Variants in REEP2 observed in about 807,000 individuals in gnomAD.
REEP2 encodes receptor expression-enhancing protein 2.
A neutral mutation model predicts 32.1 loss-of-function variants in REEP2; 9 were observed. That is an observed-to-expected ratio of 0.28 (90% CI 0.17 to 0.49). REEP2 has a LOEUF of 0.49. Among genes scored for constraint, REEP2 ranks in the 20% least tolerant of loss-of-function variants. The pLI, the probability that REEP2 is intolerant of heterozygous loss-of-function variation, is 0.99. For missense variants in REEP2, 236 were observed against 338.0 expected, an observed-to-expected ratio of 0.70 and a Z score of 2.37; for synonymous variants, 128 against 139.1, an observed-to-expected ratio of 0.92 and a Z score of 0.56.
At position 138,441,588 on chromosome 5, in the gene REEP2, C is replaced by A; in HGVS notation, c.182+127C>A. On this transcript the variant is annotated intron_variant, in intron 3 of 7. Transcript: ENST00000378339. The surrounding 1 kb of genome is among the most constrained non-coding windows in gnomAD (Gnocchi z 4.4). ...CCATTCCTGACAATTTCATGGGGTCCTTGATATCTCCCCTCTCATGCCTAA... is the reference window on the plus strand; with the variant it reads ...CCATTCCTGACAATTTCATGGGGTCATTGATATCTCCCCTCTCATGCCTAA... The A allele has an allele frequency of 1.3e-6, 1 of 753,624 alleles. No homozygotes were observed. The allele number at this position is 753,624 out of a possible 1,614,324, so 46.7% of individuals were successfully genotyped here.
rs1238555474 is a variant in REEP2 at position 138,445,532 on chromosome 5, T to C, written c.630T>C (p.Ser210=). Residue 210 remains serine (S), a synonymous_variant, in exon 7 of 8, where the codon TCT becomes TCC. Coordinates refer to ENST00000378339, the MANE Select transcript of REEP2 (RefSeq NM_001271803.2). The stretch of plus-strand genomic sequence containing the variant: ...CGGCAGATTCCCGGACAGAGGCTTC[T>C]GAGGATGACATGGGAGACAAAGCTC... ...TNPADSRTEA[S]EDDMGDKAPK... 2 of 1,614,166 alleles carry C rather than the reference T, an allele frequency of 1.2e-6. No homozygotes were observed. The highest frequency in any genetic ancestry group is 1.7e-5 in the Admixed American group (1 of 60,018).
At chr5:138,444,724 C>A in intron 4 of REEP2, 30 bp from the exon 5 acceptor site, 1 of 1,603,106 alleles carries the variant, frequency 6.2e-7, no homozygotes, top group South Asian at 1.1e-5. Flanking sequence ...CAGGACCTCT[C>A]CTCTTCTCCC....
Position 138,441,719 on chromosome 5 carries a change from G to C in REEP2, c.182+258G>C, listed in dbSNP as rs1222401004. ...GTGGGTGGATCATTTGAGGTCAGGA[G>C]TTTGAGACCAGCCTGGCCAACATGG... On this transcript the variant is annotated intron_variant, in intron 3 of 7. Transcript: ENST00000378339. This position sits in a 1 kb window ranked among gnomAD's most constrained non-coding sequence, Gnocchi z 4.4. Among the ~76,000 whole-genome samples the C allele has an allele frequency of 6.6e-6, 1 of 152,012 alleles. No individual in the cohort carries two copies. The highest frequency in any genetic ancestry group is 2.4e-5 in the African/African-American group (1 of 41,376).
At chr5:138,444,302 A>G (rs1390022208) in intron 3 of REEP2, 113 bp from the exon 4 acceptor site, 1 of 1,296,632 alleles carries the variant, frequency 7.7e-7, no homozygotes, top group Non-Finnish European at 1.1e-6. Context: ...TGGGGACCCC[A>G]GTGCACTAAG....
At chr5:138,445,204 C>A (rs1312481116) in intron 5 of REEP2, 24 bp from the exon 6 acceptor site, 2 of 1,564,564 alleles carry the variant, frequency 1.3e-6, no homozygotes, top group Non-Finnish European at 1.7e-6. Context: ...CCCCGGCTCT[C>A]CCGGTGCGTG....
intron 4 of REEP2, 46 bp downstream of exon 4, chr5:138,444,581 G>C: frequency 6.2e-7 from 1 of 1,608,920 alleles, no homozygotes; most frequent in Non-Finnish European, 8.5e-7. Flanking sequence ...CCCCAGCCAA[G>C]GCAGTCCAGA....
In REEP2 at chr5:138,445,495, C is replaced by A. The variant is rs761590077; in HGVS notation, c.593C>A (p.Ser198Tyr). The change falls in exon 7 of 8, where the codon TCC (serine) becomes TAC (tyrosine). Residue 198 changes from serine (S) to tyrosine (Y), a missense_variant. Coordinates refer to ENST00000378339, the MANE Select transcript of REEP2 (RefSeq NM_001271803.2). The stretch of plus-strand genomic sequence containing the variant: ...GATGACCCTGCCCTGAGTCTAAGGT[C>A]CAGCACAAACCCGGCAGATTCCCGG... ...LGDDPALSLR[S>Y]STNPADSRTE... The A allele has an allele frequency of 1.2e-6, 2 of 1,614,196 alleles. No homozygotes were observed. The highest frequency in any genetic ancestry group is 1.7e-6 in the Non-Finnish European group (2 of 1,180,032).
At position 138,441,487 on chromosome 5, in the gene REEP2, T is replaced by C; in HGVS notation, c.182+26T>C. ...GTGAGGTCCAGCGTCCCCTCCTGTA[T>C]CTCAGGGCCCAGGGCCTCTGCCTTT... On this transcript the variant is annotated intron_variant, in intron 3 of 7. Transcript: ENST00000378339. The surrounding 1 kb of genome is among the most constrained non-coding windows in gnomAD (Gnocchi z 4.4). The C allele has an allele frequency of 1.2e-6, 2 of 1,601,222 alleles. No individual in the cohort carries two copies. Among genetic ancestry groups the C allele is most frequent in the East Asian group, 2.2e-5 (1 of 44,802 alleles).
chr5:138,443,156 C>T (rs1191741217), intron 3 of REEP2, among the ~76,000 whole-genome samples: 2 of 151,786 alleles, frequency 1.3e-5, no homozygotes, highest in African/African-American at 4.8e-5. Flanking sequence ...CATAGCAAGA[C>T]CTGCCTATTA....
chr5:138,443,024 C>CAA (rs966249146), intron 3 of REEP2, among the ~76,000 whole-genome samples: 1 of 128,284 alleles, frequency 7.8e-6, no homozygotes. Context: ...GACTCAGTCT[C>CAA]AAAAAAAAAA....
In REEP2 at chr5:138,445,707, A is replaced by G; in HGVS notation, c.721A>G (p.Thr241Ala). ...GCCACTGGCTTCCAAGACACTGAAG[A>G]CCCGGCCCAAGAAGAAGACCTCTGG... Reference protein sequence around the residue: ...AEPLASKTLKTRPKKKTSGGG... With the variant: ...AEPLASKTLKARPKKKTSGGG... Residue 241 changes from threonine to alanine, a missense_variant, in exon 8 of 8, where the codon ACC (threonine) becomes GCC (alanine). By Grantham distance (58) the Thr-to-Ala change is moderately conservative (BLOSUM62 0). Transcript: ENST00000378339. The G allele has an allele frequency of 6.2e-7, 1 of 1,613,912 alleles. No individual in the cohort carries two copies. The highest frequency in any genetic ancestry group is 1.1e-5 in the South Asian group (1 of 91,066).
Position 138,446,006 on chromosome 5 carries a change from C to T in REEP2, c.*255C>T. ...ACTGAGCCACCCAAGGAGGTGGGGA[C>T]TGCTCGGCCTCCACCGCTGTTCCGC... is the stretch of plus-strand genomic sequence containing the variant. On this transcript the variant is annotated 3_prime_UTR_variant, in exon 8 of 8. Coordinates refer to ENST00000378339, the MANE Select transcript of REEP2 (RefSeq NM_001271803.2). 5.8e-6 allele frequency: 3 copies of T among 520,392 alleles called. No homozygotes were observed. The highest frequency in any genetic ancestry group is 1.0e-5 in the Non-Finnish European group (3 of 293,704). 32.2% of individuals were successfully genotyped at this position (520,392 alleles called of 1,614,324 possible).
In REEP2 at chr5:138,441,442, A is replaced by T. The variant is rs1561805776; in HGVS notation, c.163A>T (p.Thr55Ser). ...CTTCTTCACCACGGCCGAGACGCTCACGGATATAGTGCTCTCCTGGTGAGG... is the reference window on the plus strand; with the variant it reads ...CTTCTTCACCACGGCCGAGACGCTCTCGGATATAGTGCTCTCCTGGTGAGG... ...FAFFTTAETLTDIVLSWFPFY... is the reference protein window; with the variant it reads ...FAFFTTAETLSDIVLSWFPFY... The change falls in exon 3 of 8, where the codon ACG (threonine) becomes TCG (serine). Residue 55 changes from threonine (T) to serine (S), a missense_variant. Transcript: ENST00000378339. The surrounding 1 kb of genome is among the most constrained non-coding windows in gnomAD (Gnocchi z 4.4). 1 of 1,614,124 alleles carries T rather than the reference A, an allele frequency of 6.2e-7. No homozygotes were observed. Among genetic ancestry groups the T allele is most frequent in the Non-Finnish European group, 8.5e-7 (1 of 1,180,000 alleles).
intron 5 of REEP2, 75 bp from the exon 6 acceptor site, chr5:138,445,153 G>T: frequency 6.7e-7 from 1 of 1,481,548 alleles, no homozygotes. Flanking sequence ...TGGGGCTGCT[G>T]CCAGCACCAT....
Position 138,445,278 on chromosome 5 carries a change from G to A in REEP2, c.468G>A (p.Leu156=), listed in dbSNP as rs1259038322. ...TCCGCAGCTTCAGCATGCAGGACCT[G>A]ACCCTGATCCGGGACGAGGACGCAC... ...EKLRSFSMQD[L]TLIRDEDALP... Residue 156 remains leucine (L), a synonymous_variant, in exon 6 of 8, where the codon CTG becomes CTA. Coordinates refer to ENST00000378339, the MANE Select transcript of REEP2 (RefSeq NM_001271803.2). The A allele has an allele frequency of 6.2e-7, 1 of 1,613,382 alleles. No individual in the cohort carries two copies. The highest frequency in any genetic ancestry group is 8.5e-7 in the Non-Finnish European group (1 of 1,179,936).
chr5:138,442,337 G>A (rs1369078938), intron 3 of REEP2, among the ~76,000 whole-genome samples: 1 of 152,210 alleles, frequency 6.6e-6, no homozygotes, highest in Non-Finnish European at 1.5e-5. Flanking sequence ...GAGGACAAGA[G>A]ATCATTACAT....
chr5:138,441,013 T>C lies in REEP2; in HGVS notation c.33-3T>C. Reference sequence around the variant, plus strand: ...GGCCCAGTAACCATGCCTGCCTCCCTAGGCTCATCTTTGGCACCCTGTACC... The same window carrying C: ...GGCCCAGTAACCATGCCTGCCTCCCCAGGCTCATCTTTGGCACCCTGTACC... On this transcript the variant is annotated splice_polypyrimidine_tract_variant and splice_region_variant and intron_variant, in intron 1 of 7. Transcript: ENST00000378339. This position sits in a 1 kb window ranked among gnomAD's most constrained non-coding sequence, Gnocchi z 4.4. 6.2e-7 allele frequency: 1 copy of C among 1,612,610 alleles called. No individual in the cohort carries two copies. The highest frequency in any genetic ancestry group is 1.3e-5 in the African/African-American group (1 of 75,012).
rs1763923079 is a variant in REEP2, at chr5:138,445,911, AG to A, written c.*164del. On this transcript the variant is annotated 3_prime_UTR_variant, in exon 8 of 8. Transcript: ENST00000378339. ...CCTGCCCAGTGGCCACTCTTCTGGAAGGGGCTTGGAAAAGAGGAAGGAGGCC... is the reference window on the plus strand; with the variant it reads ...CCTGCCCAGTGGCCACTCTTCTGGAAGGGCTTGGAAAAGAGGAAGGAGGCC... The A allele has an allele frequency of 4.3e-6, 3 of 700,904 alleles. No individual in the cohort carries two copies. Among genetic ancestry groups the A allele is most frequent in the Non-Finnish European group, 7.2e-6 (3 of 418,986 alleles). The allele number at this position is 700,904 out of a possible 1,614,324, so 43.4% of individuals were successfully genotyped here.
intron 5 of REEP2, 132 bp from the exon 6 acceptor site, chr5:138,445,096 T>A: frequency 9.4e-7 from 1 of 1,068,306 alleles, no homozygotes; most frequent in Non-Finnish European, 1.4e-6. Flanking sequence ...CCCTCAGCTC[T>A]GTCTGTGTGG....
Sources: allele counts gnomAD v4.1 joint callset (sites outside exome capture counted in the v4.1 genomes callset), GRCh38; gene constraint gnomAD v4.1.1; non-coding constraint Gnocchi (gnomAD v3.1); transcripts MANE v1.5; gene names NCBI Gene and HGNC (gene_info 2026-07-23, HGNC 2026-07-21).